The following BACH2 variants were observed in gnomAD, a reference collection of about 807,000 sequenced individuals.
The protein encoded by BACH2 is BACH transcriptional regulator 2.
BACH2 carries 5 observed loss-of-function variants against 61.8 expected under a neutral mutation model. The observed-to-expected ratio is 0.08, with a 90% confidence interval of 0.04 to 0.17. The LOEUF (loss-of-function observed/expected upper bound fraction) is 0.17. Among genes scored for constraint, BACH2 ranks in the 10% least tolerant of loss-of-function variants. The pLI is 1.00. For synonymous variants in BACH2, 446 were observed against 440.1 expected, an observed-to-expected ratio of 1.01 and a Z score of -0.17; for missense variants, 824 against 1,091.1, an observed-to-expected ratio of 0.76 and a Z score of 3.45.
At chr6:90,142,674 T>A (rs1784499468) in intron 4 of BACH2, among the ~76,000 whole-genome samples, 2 of 152,190 alleles carry the variant, frequency 1.3e-5, no homozygotes, top group Non-Finnish European at 2.9e-5. Context: ...TTCAGACATA[T>A]TTCATGTATA....
chr6:90,259,756 T>C (rs1248276281), intron 2 of BACH2, among the ~76,000 whole-genome samples: 3 of 152,196 alleles, frequency 2.0e-5, no homozygotes, highest in Non-Finnish European at 4.4e-5. Context: ...GTGATTGGTC[T>C]GTTACAGGCT....
intron 1 of BACH2, among the ~76,000 whole-genome samples, chr6:90,272,146 G>GCAATTGGATT (rs1353263691): frequency 2.0e-5 from 3 of 152,078 alleles, no homozygotes; most frequent in Non-Finnish European, 4.4e-5. Flanking sequence ...ACCTCCTCAT[G>GCAATTGGATT]TCACCAAGAC....
intron 4 of BACH2, among the ~76,000 whole-genome samples, chr6:90,127,463 T>C (rs1350325507): frequency 1.3e-5 from 2 of 152,188 alleles, no homozygotes; most frequent in Non-Finnish European, 2.9e-5. Flanking sequence ...CTGTTTATTA[T>C]ACCGCCTTGG....
chr6:90,172,298 T>A (rs1443483243), intron 4 of BACH2, among the ~76,000 whole-genome samples: 2 of 105,896 alleles, frequency 1.9e-5, no homozygotes, highest in African/African-American at 9.3e-5. Flanking sequence ...AGAGCAAGAC[T>A]CCATCTCAAA....
intron 4 of BACH2, among the ~76,000 whole-genome samples, chr6:90,200,788 G>C (rs1444835952): frequency 3.3e-5 from 5 of 151,998 alleles, no homozygotes; most frequent in Admixed American, 6.5e-5. Flanking sequence ...TTTTTATCAT[G>C]TATATTTTAA....
chr6:90,179,198 G>A (rs1768074538), intron 4 of BACH2, among the ~76,000 whole-genome samples: 1 of 151,946 alleles, frequency 6.6e-6, no homozygotes, highest in Non-Finnish European at 1.5e-5. Context: ...AGACACTCTA[G>A]TGTGTATTTC....
intron 5 of BACH2, among the ~76,000 whole-genome samples, chr6:90,068,736 G>GTTTT (rs1781082403): frequency 6.6e-6 from 1 of 151,654 alleles, no homozygotes. Flanking sequence ...TAAGTAAAAA[G>GTTTT]CAACATAGCT....
chr6:90,034,635 C>T (rs903690206), intron 5 of BACH2, among the ~76,000 whole-genome samples: 1 of 152,092 alleles, frequency 6.6e-6, no homozygotes. Flanking sequence ...GATAATTATG[C>T]AGTGCCACAA....
intron 1 of BACH2, among the ~76,000 whole-genome samples, chr6:90,284,908 A>G (rs1294889324): frequency 1.3e-5 from 2 of 152,200 alleles, no homozygotes; most frequent in Non-Finnish European, 2.9e-5. Flanking sequence ...CATGTTACAC[A>G]CAGTCACTGT....
chr6:90,211,849 C>T (rs1384792841), intron 3 of BACH2, among the ~76,000 whole-genome samples: 2 of 152,154 alleles, frequency 1.3e-5, no homozygotes, highest in African/African-American at 4.8e-5. Context: ...TGTTAAAGGT[C>T]TCACTAGCTT....
At chr6:90,257,860 C>T (rs1015088451) in intron 2 of BACH2, among the ~76,000 whole-genome samples, 4 of 152,160 alleles carry the variant, frequency 2.6e-5, no homozygotes, top group Non-Finnish European at 5.9e-5. Context: ...ACTACAATCT[C>T]GGCCTCCTGG....
intron 6 of BACH2, among the ~76,000 whole-genome samples, chr6:90,002,130 C>T (rs1777164498): frequency 6.6e-6 from 1 of 152,172 alleles, no homozygotes; most frequent in African/African-American, 2.4e-5. Flanking sequence ...GCTCTCTCCT[C>T]CTCGAAATGC....
intron 7 of BACH2, among the ~76,000 whole-genome samples, chr6:89,944,695 T>C (rs1380792219): frequency 1.3e-5 from 2 of 151,784 alleles, no homozygotes; most frequent in Non-Finnish European, 2.9e-5. Flanking sequence ...TCTCTCTCTC[T>C]CCCGCCCCCT....
intron 8 of BACH2, among the ~76,000 whole-genome samples, chr6:89,935,167 G>A (rs1302026986): frequency 6.6e-6 from 1 of 152,130 alleles, no homozygotes; most frequent in East Asian, 1.9e-4. Context: ...GGGACTTGGG[G>A]AGAGGTGGAA....
At chr6:89,947,674 T>A (rs2128356015) in intron 7 of BACH2, among the ~76,000 whole-genome samples, 1 of 152,048 alleles carries the variant, frequency 6.6e-6, no homozygotes, top group African/African-American at 2.4e-5. Context: ...CACGCCATTC[T>A]CCTGCCTCAG....
intron 6 of BACH2, among the ~76,000 whole-genome samples, chr6:89,974,558 A>G (rs1775547328): frequency 6.6e-6 from 1 of 152,234 alleles, no homozygotes; most frequent in Non-Finnish European, 1.5e-5. Context: ...CACACGTTCC[A>G]TGCATCATGC....
chr6:89,977,823 G>C (rs1045540842), intron 6 of BACH2, among the ~76,000 whole-genome samples: 1 of 152,146 alleles, frequency 6.6e-6, no homozygotes, highest in Non-Finnish European at 1.5e-5. Context: ...GTTCAGAAAG[G>C]CAAAAAGTCA....
intron 4 of BACH2, among the ~76,000 whole-genome samples, chr6:90,204,169 GC>G (rs1769057169): frequency 6.6e-6 from 1 of 152,174 alleles, no homozygotes; most frequent in African/African-American, 2.4e-5. Context: ...TAACTGAAGT[GC>G]CCCGTCAGTG....
At chr6:90,144,433 G>A (rs144452485) in intron 4 of BACH2, among the ~76,000 whole-genome samples, 18 of 152,310 alleles carry the variant, frequency 1.2e-4, no homozygotes, top group Non-Finnish European at 2.5e-4. Flanking sequence ...GAGAAGAGCT[G>A]GAAGAGACAG....
Sources: allele counts gnomAD v4.1 joint callset (sites outside exome capture counted in the v4.1 genomes callset), GRCh38; gene constraint gnomAD v4.1.1; transcripts MANE v1.5; gene names NCBI Gene and HGNC (gene_info 2026-07-23, HGNC 2026-07-21).